The following INPP4B variants were observed in gnomAD, a reference collection of about 807,000 sequenced individuals.
INPP4B encodes inositol polyphosphate 4-phosphatase type II.
A neutral mutation model predicts 122.5 loss-of-function variants in INPP4B; 55 were observed. The ratio of observed to expected loss-of-function variants is 0.45; its 90% CI spans 0.36 to 0.56. INPP4B has a LOEUF of 0.56. Among genes scored for constraint, INPP4B ranks in the 20% least tolerant of loss-of-function variants. The pLI, the probability that INPP4B is intolerant of heterozygous loss-of-function variation, is 0.00. For synonymous variants in INPP4B, 403 were observed against 388.7 expected (o/e 1.04, Z -0.43); for missense variants, 1,000 against 1,097.7 (o/e 0.91, Z 1.26).
At chr4:142,768,431 T>C (rs371716459) in intron 1 of INPP4B, among the ~76,000 whole-genome samples, 1 of 152,156 alleles carries the variant, frequency 6.6e-6, no homozygotes. Context: ...CCAGAGGTCA[T>C]AGCAGTCAGA....
At chr4:142,696,331 C>A (rs1761019798) in intron 2 of INPP4B, among the ~76,000 whole-genome samples, 1 of 152,156 alleles carries the variant, frequency 6.6e-6, no homozygotes, top group Admixed American at 6.5e-5. Flanking sequence ...CCTCATGCAA[C>A]AACCCACCTT....
At chr4:142,466,629 C>A (rs921278719) in intron 2 of INPP4B, among the ~76,000 whole-genome samples, 1 of 152,130 alleles carries the variant, frequency 6.6e-6, no homozygotes, top group Admixed American at 6.5e-5. Context: ...GGCTGCAGAG[C>A]AACTACTTGC....
Position 142,052,834 on chromosome 4 carries a change from A to G in INPP4B, c.2643-23920T>C, listed in dbSNP as rs539409698. ...GGTACTCTCTATAAGCCCACAGTCTATTCTACTTCAGCAATTCTATATTTG... is the reference window on the plus strand; with the variant it reads ...GGTACTCTCTATAAGCCCACAGTCTGTTCTACTTCAGCAATTCTATATTTG... On this transcript the variant is annotated intron_variant, in intron 25 of 25. Coordinates refer to ENST00000262992, the MANE Select transcript of INPP4B (RefSeq NM_001101669.3). 2.6e-4 allele frequency among the ~76,000 whole-genome samples: 39 copies of G among 152,146 alleles called. 1 individual carries two copies. Among genetic ancestry groups the G allele is most frequent in the Admixed American group, 1.3e-4 (2 of 15,262 alleles).
intron 8 of INPP4B, among the ~76,000 whole-genome samples, chr4:142,309,115 G>A (rs974948402): frequency 6.6e-6 from 1 of 152,054 alleles, no homozygotes; most frequent in Admixed American, 6.5e-5. Flanking sequence ...GACAAAGAAA[G>A]CATCTAGCCA....
At chr4:142,631,665 G>C (rs532614851) in intron 2 of INPP4B, among the ~76,000 whole-genome samples, 2 of 152,042 alleles carry the variant, frequency 1.3e-5, no homozygotes, top group East Asian at 3.9e-4. Context: ...GAAAATTAAA[G>C]ATGAAGAAAA....
chr4:142,691,269 G>A (rs1020152261), intron 2 of INPP4B, among the ~76,000 whole-genome samples: 2 of 151,742 alleles, frequency 1.3e-5, no homozygotes, highest in African/African-American at 4.8e-5. Context: ...TGAATGTGAT[G>A]TTGAAGCATT....
Position 142,208,776 on chromosome 4 carries a change from AAG to A in INPP4B, c.967+118_967+119del, listed in dbSNP as rs1021521779. On this transcript the variant is annotated intron_variant, in intron 13 of 25. Coordinates refer to ENST00000262992, the MANE Select transcript of INPP4B (RefSeq NM_001101669.3). ...TTTAAGATGTTAAAGTTAGAAATAA[AAG>A]AGTTTTAAAAAATCTCCAGTTCTCC... 2.6e-4 allele frequency: 194 copies of A among 737,746 alleles called. No homozygotes were observed. In the African/African-American group the frequency reaches 3.2e-3, roughly 12 times the overall value. The allele number at this position is 737,746 out of a possible 1,614,324, so 45.7% of individuals were successfully genotyped here.
intron 1 of INPP4B, among the ~76,000 whole-genome samples, chr4:142,785,388 A>T (rs577169384): frequency 6.6e-6 from 1 of 152,166 alleles, no homozygotes; most frequent in South Asian, 2.1e-4. Context: ...ATCAGATAAA[A>T]AAATTAAAAT....
chr4:142,555,354 G>A (rs1728916500), intron 2 of INPP4B, among the ~76,000 whole-genome samples: 1 of 152,160 alleles, frequency 6.6e-6, no homozygotes, highest in Admixed American at 6.5e-5. Flanking sequence ...AGAGGTGTAA[G>A]CATATTTATT....
chr4:142,491,903 C>CT (rs894001447), intron 2 of INPP4B, among the ~76,000 whole-genome samples: 1 of 152,046 alleles, frequency 6.6e-6, no homozygotes, highest in African/African-American at 2.4e-5. Flanking sequence ...ATTTTTATAC[C>CT]TTTTTATACA....
intron 10 of INPP4B, among the ~76,000 whole-genome samples, chr4:142,265,757 C>T (rs571550046): frequency 2.8e-4 from 43 of 152,328 alleles, no homozygotes; most frequent in Middle Eastern, 3.4e-3. Flanking sequence ...ATGACTCACA[C>T]ACGGTGTGTA....
chr4:142,382,697 T>C (rs1266154556), intron 7 of INPP4B, among the ~76,000 whole-genome samples: 2 of 146,988 alleles, frequency 1.4e-5, no homozygotes, highest in Non-Finnish European at 1.5e-5. Context: ...AATTAGGTCA[T>C]TGATTTACAA....
chr4:142,193,640 G>C (rs1836937266), intron 14 of INPP4B, among the ~76,000 whole-genome samples: 1 of 152,008 alleles, frequency 6.6e-6, no homozygotes, highest in Admixed American at 6.6e-5. Flanking sequence ...TTTGACTCAA[G>C]GGCAGATTAG....
At chr4:142,393,346 T>C (rs1798339224) in intron 7 of INPP4B, among the ~76,000 whole-genome samples, 2 of 152,148 alleles carry the variant, frequency 1.3e-5, no homozygotes, top group Non-Finnish European at 2.9e-5. Context: ...AAATATAACA[T>C]AATCAAACTA....
chr4:142,381,823 A>C (rs1794206624), intron 7 of INPP4B, among the ~76,000 whole-genome samples: 1 of 152,104 alleles, frequency 6.6e-6, no homozygotes, highest in African/African-American at 2.4e-5. Context: ...ATTAACTAAA[A>C]CCATCAAAAT....
intron 25 of INPP4B, among the ~76,000 whole-genome samples, chr4:142,081,219 A>G (rs1773741079): frequency 6.6e-6 from 1 of 152,188 alleles, no homozygotes; most frequent in African/African-American, 2.4e-5. Context: ...AGTGAATCAT[A>G]TGACATTCCT....
intron 1 of INPP4B, among the ~76,000 whole-genome samples, chr4:142,761,398 T>C (rs1282469113): frequency 1.3e-5 from 2 of 152,182 alleles, no homozygotes; most frequent in African/African-American, 4.8e-5. Flanking sequence ...TCATATAATT[T>C]ATTTTAAATT....
intron 1 of INPP4B, among the ~76,000 whole-genome samples, chr4:142,832,578 C>T (rs888939734): frequency 6.6e-6 from 1 of 152,178 alleles, no homozygotes. Context: ...TGGCCCCGGC[C>T]AACGCAGTGG....
At position 142,496,460 on chromosome 4, in the gene INPP4B, C is replaced by T. The variant is rs188620350; in HGVS notation, c.-190-33734G>A. ...AGTAAAATTTCTGGATTATGGGGCA[C>T]GCACATATTTTTATCTTTAGTAGCT... On this transcript the variant is annotated intron_variant, in intron 2 of 25. Coordinates refer to ENST00000262992, the MANE Select transcript of INPP4B (RefSeq NM_001101669.3). Among the ~76,000 whole-genome samples the T allele has an allele frequency of 4.1e-4, 62 of 152,104 alleles. No homozygotes were observed. In the South Asian group the frequency reaches 4.1e-3, roughly 10 times the overall value.
Sources: allele counts gnomAD v4.1 joint callset (sites outside exome capture counted in the v4.1 genomes callset), GRCh38; gene constraint gnomAD v4.1.1; transcripts MANE v1.5; gene names NCBI Gene and HGNC (gene_info 2026-07-23, HGNC 2026-07-21).